Variants in PSMA1 observed in about 807,000 individuals in gnomAD.
PSMA1 encodes the protein proteasome 20S subunit alpha 1.
A neutral mutation model predicts 38.4 loss-of-function variants in PSMA1; 3 were observed. The ratio of observed to expected loss-of-function variants is 0.08; its 90% CI spans 0.04 to 0.20. The LOEUF (loss-of-function observed/expected upper bound fraction) is 0.20, where lower values mean the gene tolerates loss of function less well. PSMA1 is among the 10% of genes least tolerant of loss of function. The probability of loss-of-function intolerance (pLI) is 1.00; values close to 1 mark genes in which losing one functional copy is unlikely to be tolerated. For missense variants in PSMA1, 227 were observed against 325.3 expected, an observed-to-expected ratio of 0.70 and a Z score of 2.32; for synonymous variants, 101 against 107.1, an observed-to-expected ratio of 0.94 and a Z score of 0.35.
intron 2 of PSMA1, among the ~76,000 whole-genome samples, chr11:14,544,741 T>C (rs753136798): frequency 2.0e-5 from 3 of 152,198 alleles, no homozygotes; most frequent in Non-Finnish European, 1.5e-5. Context: ...TAACATAAAA[T>C]GGTGTAATCA....
chr11:14,622,460 A>G (rs902432627), intron 1 of PSMA1, among the ~76,000 whole-genome samples: 1 of 152,254 alleles, frequency 6.6e-6, no homozygotes, highest in African/African-American at 2.4e-5. Context: ...GCAAGAAGGC[A>G]CTAGTATGCT....
chr11:14,514,257 A>G, intron 5 of PSMA1, 146 bp downstream of exon 5: 2 of 1,376,444 alleles, frequency 1.5e-6, no homozygotes. Context: ...TTGCTTATAA[A>G]GGCTAATGAA....
intron 2 of PSMA1, among the ~76,000 whole-genome samples, chr11:14,600,414 C>T (rs558097454): frequency 7.0e-4 from 106 of 152,290 alleles, no homozygotes; most frequent in African/African-American, 2.5e-3. Context: ...GTTCGAGTTT[C>T]CCACCGCTTT....
At chr11:14,506,367 C>T (rs771199095) in intron 9 of PSMA1, among the ~76,000 whole-genome samples, 1 of 151,926 alleles carries the variant, frequency 6.6e-6, no homozygotes, top group Non-Finnish European at 1.5e-5. Context: ...TGTGGTATTC[C>T]ACAGCATTCT....
chr11:14,610,432 G>A (rs1463945984), intron 2 of PSMA1, among the ~76,000 whole-genome samples: 3 of 152,002 alleles, frequency 2.0e-5, no homozygotes, highest in Admixed American at 6.6e-5. Flanking sequence ...TATAGCCTAA[G>A]ACCTGCCTCC....
At chr11:14,568,844 G>A (rs549366733) in intron 2 of PSMA1, among the ~76,000 whole-genome samples, 3 of 152,278 alleles carry the variant, frequency 2.0e-5, no homozygotes, top group Non-Finnish European at 2.9e-5. Context: ...TCACTGTAGC[G>A]GGGACATCTT....
chr11:14,557,830 G>A (rs12286408), intron 2 of PSMA1, among the ~76,000 whole-genome samples: 46,270 of 151,932 alleles, frequency 0.3, 8,081 homozygotes, highest in South Asian at 0.44. Flanking sequence ...GGATCTAAAC[G>A]GTCATTATAA....
chr11:14,516,033 A>T (rs1851420604), intron 4 of PSMA1, among the ~76,000 whole-genome samples: 1 of 151,172 alleles, frequency 6.6e-6, no homozygotes, highest in African/African-American at 2.4e-5. Flanking sequence ...AATATGGTGA[A>T]ACCTCGTCTC....
intron 1 of PSMA1, among the ~76,000 whole-genome samples, chr11:14,631,341 G>A (rs1853007199): frequency 6.6e-6 from 1 of 152,006 alleles, no homozygotes; most frequent in African/African-American, 2.4e-5. Context: ...CTTTGAATGT[G>A]TCCCAGAGAT....
chr11:14,567,985 T>C (rs185131107), intron 2 of PSMA1, among the ~76,000 whole-genome samples: 207 of 152,302 alleles, frequency 1.4e-3, no homozygotes, highest in African/African-American at 4.6e-3. Context: ...TTAAATAAGG[T>C]GTCTTTAAAC....
At chr11:14,544,651 G>A (rs1851807013) in intron 2 of PSMA1, among the ~76,000 whole-genome samples, 1 of 152,094 alleles carries the variant, frequency 6.6e-6, no homozygotes, top group Non-Finnish European at 1.5e-5. Context: ...TTACTAAGAT[G>A]GCTACAATAA....
chr11:14,592,376 C>CTCTATATATA (rs1201045926), intron 2 of PSMA1, among the ~76,000 whole-genome samples: 1 of 122,378 alleles, frequency 8.2e-6, no homozygotes, highest in African/African-American at 3.3e-5. Context: ...CTCTCTCTCT[C>CTCTATATATA]TATATATATA....
chr11:14,579,175 A>G (rs983016129), intron 2 of PSMA1, among the ~76,000 whole-genome samples: 2 of 152,258 alleles, frequency 1.3e-5, no homozygotes, highest in African/African-American at 4.8e-5. Flanking sequence ...CTCGTGACTT[A>G]AAACAACATA....
chr11:14,642,020 G>A (rs1590020724), intron 1 of PSMA1, among the ~76,000 whole-genome samples: 1 of 152,154 alleles, frequency 6.6e-6, no homozygotes, highest in Non-Finnish European at 1.5e-5. Flanking sequence ...CACAAAACTG[G>A]ATTTCTACTC....
intron 9 of PSMA1, among the ~76,000 whole-genome samples, chr11:14,507,193 G>C (rs1271617300): frequency 2.0e-5 from 3 of 150,520 alleles, no homozygotes; most frequent in Non-Finnish European, 4.4e-5. Flanking sequence ...TTTTGAGACA[G>C]AGTCTCTCTC....
intron 2 of PSMA1, among the ~76,000 whole-genome samples, chr11:14,596,938 A>C (rs1852503818): frequency 6.6e-6 from 1 of 152,222 alleles, no homozygotes; most frequent in African/African-American, 2.4e-5. Context: ...TAGTTTATTG[A>C]AAGTTTTTAG....
Position 14,505,171 on chromosome 11 carries a change from A to G in PSMA1, c.*21T>C. ...TGTATTCTTACATATTTGATAATACATATATAGACTGGCTTATCACTTAAT... is the reference window on the plus strand; with the variant it reads ...TGTATTCTTACATATTTGATAATACGTATATAGACTGGCTTATCACTTAAT... On this transcript the variant is annotated 3_prime_UTR_variant, in exon 10 of 10. Transcript: ENST00000396394. 1 of 1,595,626 alleles carries G rather than the reference A, an allele frequency of 6.3e-7. No individual in the cohort carries two copies. The highest frequency in any genetic ancestry group is 1.1e-5 in the South Asian group (1 of 90,698).
intron 2 of PSMA1, among the ~76,000 whole-genome samples, chr11:14,581,788 C>T (rs1852284361): frequency 6.6e-6 from 1 of 152,190 alleles, no homozygotes. Context: ...TAAGACTTGG[C>T]TTCTTTATAT....
chr11:14,591,133 G>A (rs1386051091), intron 2 of PSMA1, among the ~76,000 whole-genome samples: 2 of 152,250 alleles, frequency 1.3e-5, no homozygotes, highest in Non-Finnish European at 2.9e-5. Flanking sequence ...GTGGGCATGG[G>A]CTTGGTGGGC....
Sources: gnomAD v4.1 joint callset for allele counts (sites outside exome capture counted in the v4.1 genomes callset) on GRCh38, gnomAD v4.1.1 for gene constraint, MANE v1.5 for transcripts, NCBI Gene and HGNC (gene_info 2026-07-23, HGNC 2026-07-21) for gene names.